The following GFM2 variants were observed in gnomAD, a reference collection of about 807,000 sequenced individuals.
GFM2 encodes ribosome-releasing factor 2, mitochondrial.
In GFM2, 72 loss-of-function variants were observed where a neutral mutation model predicts 95.4. The ratio of observed to expected loss-of-function variants is 0.76; its 90% CI spans 0.62 to 0.92. The LOEUF (loss-of-function observed/expected upper bound fraction) is 0.92, where lower values mean the gene tolerates loss of function less well. Ranked by LOEUF, GFM2 falls within the 40% of genes least tolerant of loss-of-function variation. GFM2 has a pLI of 0.00. For synonymous variants in GFM2, 276 were observed against 317.5 expected (o/e 0.87, Z 1.39); for missense variants, 825 against 924.1 (o/e 0.89, Z 1.39).
Position 74,759,382 on chromosome 5 carries a change from G to T in GFM2, c.193C>A (p.Pro65Thr). Reference protein sequence around the residue: ...DIKSLHSIINPPIAKIRNIGI... With the variant: ...DIKSLHSIINTPIAKIRNIGI... ...GATAGTACTTACTTAGCTATGGGAGGATTGATGATGGAATGAAGGGATTTG... is the reference window on the plus strand; with the variant it reads ...GATAGTACTTACTTAGCTATGGGAGTATTGATGATGGAATGAAGGGATTTG... The change falls in exon 4 of 21, where the codon CCT becomes ACT. Residue 65 changes from proline (P) to threonine (T), a missense_variant. By Grantham distance (38) the Pro-to-Thr change is conservative. Coordinates refer to ENST00000296805, the MANE Select transcript of GFM2 (RefSeq NM_032380.5). The T allele has an allele frequency of 6.5e-7, 1 of 1,538,232 alleles. No homozygotes were observed. Among genetic ancestry groups the T allele is most frequent in the Non-Finnish European group, 9.0e-7 (1 of 1,116,370 alleles).
intron 7 of GFM2, among the ~76,000 whole-genome samples, chr5:74,749,979 C>T (rs759571471): frequency 4.6e-5 from 7 of 152,112 alleles, no homozygotes; most frequent in South Asian, 2.1e-4. Flanking sequence ...GTGTGTGAGG[C>T]GTGGAGGGTG....
At chr5:74,738,260 T>A in intron 14 of GFM2, 58 bp downstream of exon 14, 1 of 1,295,046 alleles carries the variant, frequency 7.7e-7, no homozygotes, top group Middle Eastern at 1.9e-4. Flanking sequence ...TACAAGTTGC[T>A]TACTTGTAAT....
chr5:74,737,876 G>A (rs6453076), intron 14 of GFM2, among the ~76,000 whole-genome samples: 24,391 of 151,812 alleles, frequency 0.16, 2,377 homozygotes, highest in African/African-American at 0.27. Flanking sequence ...TGGACTGTAG[G>A]GCATTGAACA....
Position 74,760,850 on chromosome 5 carries a change from A to G in GFM2, c.148+52T>C, listed in dbSNP as rs149772972. 6.5e-4 allele frequency: 740 copies of G among 1,138,504 alleles called. 3 individuals carry two copies. In the African/African-American group the frequency reaches 0.01, roughly 16 times the overall value. 70.5% of individuals were successfully genotyped at this position (1,138,504 alleles called of 1,614,324 possible). A position where few individuals can be genotyped will look rare whatever the true frequency, so the allele number is the denominator to read the frequency against. ...AGATTCTTGCAAACAAGAGAGAGAA[A>G]AGAGATAAAGCAAACAGCTTAGATA... On this transcript the variant is annotated intron_variant, in intron 3 of 20. Coordinates refer to ENST00000296805, the MANE Select transcript of GFM2 (RefSeq NM_032380.5).
intron 10 of GFM2, among the ~76,000 whole-genome samples, chr5:74,744,158 T>C (rs1490481683): frequency 6.6e-6 from 1 of 152,176 alleles, no homozygotes; most frequent in Non-Finnish European, 1.5e-5. Flanking sequence ...ACCAAGGCTA[T>C]GGCCTATTAC....
intron 1 of GFM2, among the ~76,000 whole-genome samples, chr5:74,766,031 C>A (rs1318871719): frequency 6.6e-6 from 1 of 151,780 alleles, no homozygotes; most frequent in Non-Finnish European, 1.5e-5. Flanking sequence ...CAAAGCCGGG[C>A]GCTGTGGCTC....
intron 10 of GFM2, among the ~76,000 whole-genome samples, chr5:74,745,449 T>C (rs761968438): frequency 1.3e-5 from 2 of 152,192 alleles, no homozygotes; most frequent in Non-Finnish European, 2.9e-5. Context: ...AGCATTTACA[T>C]TGTATTAGGT....
chr5:74,745,016 G>A (rs1441390808), intron 10 of GFM2, among the ~76,000 whole-genome samples: 2 of 152,034 alleles, frequency 1.3e-5, no homozygotes, highest in African/African-American at 4.8e-5. Flanking sequence ...GTAAACCTAA[G>A]TTCTTTAAGG....
At chr5:74,727,177 A>C (rs1399522716) in intron 17 of GFM2, among the ~76,000 whole-genome samples, 1 of 152,062 alleles carries the variant, frequency 6.6e-6, no homozygotes, top group Non-Finnish European at 1.5e-5. Flanking sequence ...CAATATATAC[A>C]TGTTTATATA....
intron 16 of GFM2, among the ~76,000 whole-genome samples, chr5:74,730,945 C>A (rs1286353105): frequency 6.6e-6 from 1 of 152,100 alleles, no homozygotes; most frequent in Non-Finnish European, 1.5e-5. Context: ...TCCCAAGCAG[C>A]TGGGATTACA....
intron 15 of GFM2, 144 bp downstream of exon 15, chr5:74,736,652 C>A: frequency 1.4e-6 from 2 of 1,450,924 alleles, no homozygotes. Flanking sequence ...TCTTAAAAAA[C>A]AAGACCAACC....
At chr5:74,737,328 A>G (rs972288658) in intron 14 of GFM2, among the ~76,000 whole-genome samples, 6 of 152,220 alleles carry the variant, frequency 3.9e-5, no homozygotes, top group Non-Finnish European at 7.3e-5. Context: ...TCTACCACCC[A>G]TAAGAATTTA....
chr5:74,744,961 TA>T (rs962323880), intron 10 of GFM2, among the ~76,000 whole-genome samples: 1 of 152,176 alleles, frequency 6.6e-6, no homozygotes, highest in African/African-American at 2.4e-5. Context: ...AGCAATGTCA[TA>T]AAATACAAAC....
chr5:74,757,774 G>A (rs77437197), intron 5 of GFM2, among the ~76,000 whole-genome samples: 8,891 of 147,768 alleles, frequency 0.06, 583 homozygotes, highest in African/African-American at 0.16. Flanking sequence ...AATTAAAAAG[G>A]AATCTTGACA....
rs370806066 is a variant in GFM2, at chr5:74,754,908, G to T, written c.305-3415C>A. On this transcript the variant is annotated intron_variant, in intron 5 of 20. Coordinates refer to ENST00000296805, the MANE Select transcript of GFM2 (RefSeq NM_032380.5). ...AGGCAGGCGGATTACCTGAGGTCAG[G>T]AGTTCAAGACCAGCCTGGCCAACAT... Among the ~76,000 whole-genome samples the T allele has an allele frequency of 4.6e-5, 7 of 152,028 alleles. No homozygotes were observed. The East Asian group carries it at 1.4e-3, about 29-fold the overall frequency.
chr5:74,747,305 C>T (rs1005883352), intron 8 of GFM2, among the ~76,000 whole-genome samples: 4 of 152,176 alleles, frequency 2.6e-5, no homozygotes, highest in African/African-American at 7.2e-5. Context: ...AGAACACCTT[C>T]AAATGCAGGA....
intron 1 of GFM2, chr5:74,765,158 A>G: frequency 1.8e-6 from 2 of 1,102,906 alleles, no homozygotes; most frequent in South Asian, 4.1e-5. Flanking sequence ...TGTGACTGTA[A>G]TAGACATTTT....
At chr5:74,724,083 T>C (rs1750040515) in intron 19 of GFM2, among the ~76,000 whole-genome samples, 1 of 152,132 alleles carries the variant, frequency 6.6e-6, no homozygotes, top group Non-Finnish European at 1.5e-5. Context: ...GTACTTCCAT[T>C]AGGAGTGTTT....
chr5:74,766,524 A>T (rs1744622546), intron 1 of GFM2, among the ~76,000 whole-genome samples: 1 of 152,142 alleles, frequency 6.6e-6, no homozygotes, highest in South Asian at 2.1e-4. Context: ...TTACTTCTTG[A>T]CACTAGGGGG....
Sources: gnomAD v4.1 joint callset for allele counts (sites outside exome capture counted in the v4.1 genomes callset) on GRCh38, gnomAD v4.1.1 for gene constraint, MANE v1.5 for transcripts, NCBI Gene and HGNC (gene_info 2026-07-23, HGNC 2026-07-21) for gene names.